Variants in DEFB121 observed in about 807,000 individuals in gnomAD.
DEFB121 encodes defensin beta 121.
Under a neutral mutation model 2.5 loss-of-function variants are expected in DEFB121, and 5 were observed. That is an observed-to-expected ratio of 1.96 (90% CI 1.03 to 4.13). The LOEUF (loss-of-function observed/expected upper bound fraction) is 4.13. Ranked by LOEUF, DEFB121 falls within the 30% of genes most tolerant of loss-of-function variation. The pLI is 0.00. For synonymous variants in DEFB121, 39 were observed against 32.6 expected, an observed-to-expected ratio of 1.20 and a Z score of -0.67; for missense variants, 87 against 85.0, an observed-to-expected ratio of 1.02 and a Z score of -0.09.
the DEFB121 span, among the ~76,000 whole-genome samples, chr20:31,418,259 CAAAAAAAAAAA>C: frequency 7.5e-4 from 62 of 82,988 alleles, 1 homozygote; most frequent in Admixed American, 7.4e-3. Flanking sequence ...GACTCCGTCT[CAAAAAAAAAAA>C]AAAAAAAAAA....
chr20:31,412,348 G>T (rs555285579), intron 1 of DEFB121, among the ~76,000 whole-genome samples: 1 of 152,326 alleles, frequency 6.6e-6, no homozygotes, highest in South Asian at 2.1e-4. Flanking sequence ...TAGGGGTAAT[G>T]TGGGGAAATG....
intron 1 of DEFB121, chr20:31,412,604 T>G: frequency 1.5e-6 from 2 of 1,290,722 alleles, no homozygotes; most frequent in Non-Finnish European, 2.0e-6. Context: ...GTTACTGTTA[T>G]TTACTATGAA....
At chr20:31,409,949 C>T (rs1265217426), upstream of DEFB121, among the ~76,000 whole-genome samples, 1 of 151,792 alleles carries the variant, frequency 6.6e-6, no homozygotes, top group African/African-American at 2.4e-5. Context: ...TGAGATGGGG[C>T]ATGAGGGAAC....
Position 31,404,845 on chromosome 20 carries a change from T to C in DEFB121, c.*68A>G. ...GGAACTATCAGACAGAAACAGGGTG[T>C]TGCCAAGAATGATTTAATAGAACTG... On this transcript the variant is annotated 3_prime_UTR_variant, in exon 2 of 2. Transcript: ENST00000376314. 3 of 1,564,254 alleles carry C rather than the reference T, an allele frequency of 1.9e-6. No individual in the cohort carries two copies. The highest frequency in any genetic ancestry group is 1.9e-5 in the Admixed American group (1 of 51,868).
At chr20:31,411,012 T>A (rs1380259514), upstream of DEFB121, among the ~76,000 whole-genome samples, 1 of 152,198 alleles carries the variant, frequency 6.6e-6, no homozygotes, top group Non-Finnish European at 1.5e-5. Context: ...ATCATAGCCC[T>A]GCAAGTTTGC....
At chr20:31,412,019 A>G (rs1978678359) in intron 1 of DEFB121, among the ~76,000 whole-genome samples, 1 of 152,222 alleles carries the variant, frequency 6.6e-6, no homozygotes, top group African/African-American at 2.4e-5. Context: ...CCCTAACTGA[A>G]GAGTTTGCCC....
chr20:31,409,856 T>G (rs534637152), upstream of DEFB121, among the ~76,000 whole-genome samples: 4 of 152,002 alleles, frequency 2.6e-5, no homozygotes, highest in African/African-American at 4.8e-5. Flanking sequence ...CACATGAAAC[T>G]CTAGAAAACA....
chr20:31,418,259 CAAAAAA>C, the DEFB121 span, among the ~76,000 whole-genome samples: 5 of 82,990 alleles, frequency 6.0e-5, no homozygotes, highest in Admixed American at 1.7e-4. Context: ...GACTCCGTCT[CAAAAAA>C]AAAAAAAAAA....
chr20:31,407,400 T>C (rs372159249), upstream of DEFB121, among the ~76,000 whole-genome samples: 6 of 152,212 alleles, frequency 3.9e-5, no homozygotes, highest in East Asian at 1.9e-4. Context: ...CTTTGGCTAG[T>C]GATATGTGGG....
At chr20:31,411,157 C>T (rs978178736), upstream of DEFB121, among the ~76,000 whole-genome samples, 1 of 152,176 alleles carries the variant, frequency 6.6e-6, no homozygotes, top group Admixed American at 6.5e-5. Flanking sequence ...CTTTTCCTAT[C>T]TGTCACAAAA....
Position 31,404,977 on chromosome 20 carries a change from T to C in DEFB121, c.167A>G (p.Tyr56Cys). ...TGTTAATTTTGGTTTTACAGGTACA[T>C]ACTTGGGATCCACACAGCACTTAGC... ...TEAKCCVDPK[Y>C]VPVKPKLTDT... Residue 56 changes from tyrosine to cysteine, a missense_variant, in exon 2 of 2, where the codon TAT (tyrosine) becomes TGT (cysteine). Coordinates refer to ENST00000376314, the MANE Select transcript of DEFB121 (RefSeq NM_001011878.3). 6.2e-7 allele frequency: 1 copy of C among 1,613,808 alleles called. No individual in the cohort carries two copies.
At chr20:31,415,164 C>T (rs145692889), upstream of DEFB121, among the ~76,000 whole-genome samples, 1,210 of 152,018 alleles carry the variant, frequency 8.0e-3, 7 homozygotes, top group African/African-American at 0.027. Flanking sequence ...ATTGTTAAAA[C>T]AGATCTCAAC....
chr20:31,405,123 T>C (rs984303414), intron 1 of DEFB121, 38 bp from the exon 2 acceptor site: 10 of 1,566,662 alleles, frequency 6.4e-6, no homozygotes, highest in Middle Eastern at 1.7e-4. Context: ...GAGTCAGTTT[T>C]GAAAGAAAGC....
upstream of DEFB121, among the ~76,000 whole-genome samples, chr20:31,409,201 G>C (rs1978586864): frequency 6.6e-6 from 1 of 152,096 alleles, no homozygotes; most frequent in South Asian, 2.1e-4. Context: ...CAGTTTAACA[G>C]TTTCTTATAA....
chr20:31,408,513 C>A (rs1568739579), upstream of DEFB121, among the ~76,000 whole-genome samples: 4 of 151,798 alleles, frequency 2.6e-5, no homozygotes, highest in Non-Finnish European at 4.4e-5. Context: ...CTCCGGAGGT[C>A]ACTTTTTCTA....
At chr20:31,410,406 T>G (rs1978624540), upstream of DEFB121, among the ~76,000 whole-genome samples, 1 of 152,184 alleles carries the variant, frequency 6.6e-6, no homozygotes, top group African/African-American at 2.4e-5. Flanking sequence ...CTACCTATTA[T>G]ATACTATGCT....
upstream of DEFB121, chr20:31,412,982 C>T (rs1978705537): frequency 9.4e-6 from 2 of 213,068 alleles, no homozygotes; most frequent in South Asian, 1.4e-4. Flanking sequence ...AAGATCTCTT[C>T]ACTGGCCTCT....
chr20:31,418,275 A>AAAAAAAAG, the DEFB121 span, among the ~76,000 whole-genome samples: 1 of 149,696 alleles, frequency 6.7e-6, no homozygotes, highest in African/African-American at 2.4e-5. Context: ...AAAAAAAAAA[A>AAAAAAAAG]AAAAAAAGAA....
upstream of DEFB121, among the ~76,000 whole-genome samples, chr20:31,415,855 A>G (rs1224157331): frequency 3.9e-5 from 6 of 152,100 alleles, no homozygotes; most frequent in Non-Finnish European, 8.8e-5. Context: ...GAACATTTGC[A>G]AGCCATCTGG....
Sources: gnomAD v4.1 joint callset for allele counts (sites outside exome capture counted in the v4.1 genomes callset) on GRCh38, gnomAD v4.1.1 for gene constraint, MANE v1.5 for transcripts, NCBI Gene and HGNC (gene_info 2026-07-23, HGNC 2026-07-21) for gene names.